PKIB: variants seen among roughly 807,000 people sequenced by gnomAD.
The protein encoded by PKIB is cAMP-dependent protein kinase inhibitor beta.
A neutral mutation model predicts 4.5 loss-of-function variants in PKIB; 2 were observed. The ratio of observed to expected loss-of-function variants is 0.44; its 90% CI spans 0.18 to 1.39. PKIB has a LOEUF of 1.39. PKIB is among the 40% of genes most tolerant of loss of function. The pLI, the probability that PKIB is intolerant of heterozygous loss-of-function variation, is 0.27. For missense variants in PKIB, 94 were observed against 92.6 expected (o/e 1.02, Z -0.06); for synonymous variants, 38 against 36.0 (o/e 1.06, Z -0.20).
chr6:122,642,993 A>T (rs1259240166), intron 2 of PKIB, among the ~76,000 whole-genome samples: 1 of 151,544 alleles, frequency 6.6e-6, no homozygotes, highest in African/African-American at 2.4e-5. Flanking sequence ...TAATTTTTTT[A>T]AAAAAGAGGC....
chr6:122,720,078 G>A (rs1271567299), intron 4 of PKIB, among the ~76,000 whole-genome samples: 2 of 152,104 alleles, frequency 1.3e-5, no homozygotes, highest in African/African-American at 4.8e-5. Flanking sequence ...AACTGAAAGC[G>A]GGAGTCTGTC....
intron 2 of PKIB, among the ~76,000 whole-genome samples, chr6:122,538,811 G>T (rs1268906822): frequency 1.3e-5 from 2 of 152,106 alleles, no homozygotes; most frequent in Non-Finnish European, 2.9e-5. Flanking sequence ...CTACCCATGA[G>T]CATGGAATCT....
At chr6:122,645,107 A>C (rs117112215) in intron 2 of PKIB, among the ~76,000 whole-genome samples, 2,407 of 152,316 alleles carry the variant, frequency 0.016, 33 homozygotes, top group Non-Finnish European at 0.022. Context: ...GGCAGTGAAA[A>C]TATTCTGCTG....
chr6:122,509,493 C>T (rs1394456929), intron 2 of PKIB, among the ~76,000 whole-genome samples: 5 of 151,262 alleles, frequency 3.3e-5, no homozygotes, highest in Admixed American at 6.6e-5. Context: ...TCCAGTGGTG[C>T]GATCTCGGCT....
chr6:122,656,509 G>T (rs1776780649), intron 2 of PKIB, among the ~76,000 whole-genome samples: 2 of 152,144 alleles, frequency 1.3e-5, no homozygotes. Context: ...AAGCTTTTTA[G>T]CCAAACTGAT....
intron 2 of PKIB, among the ~76,000 whole-genome samples, chr6:122,651,911 A>G (rs1298113196): frequency 2.0e-5 from 3 of 152,184 alleles, no homozygotes; most frequent in Non-Finnish European, 4.4e-5. Context: ...GGCATGAAAT[A>G]TATGGTCACC....
chr6:122,609,807 A>G (rs1419005554), upstream of PKIB, among the ~76,000 whole-genome samples: 1 of 152,192 alleles, frequency 6.6e-6, no homozygotes, highest in Non-Finnish European at 1.5e-5. Flanking sequence ...AACTTGATAT[A>G]CATTATTTTC....
At chr6:122,567,118 C>A (rs1773217748) in intron 2 of PKIB, among the ~76,000 whole-genome samples, 1 of 152,190 alleles carries the variant, frequency 6.6e-6, no homozygotes, top group African/African-American at 2.4e-5. Flanking sequence ...GCTCATATTT[C>A]TCAGACTATA....
intron 2 of PKIB, among the ~76,000 whole-genome samples, chr6:122,486,946 T>C (rs1775784412): frequency 9.7e-6 from 1 of 103,414 alleles, no homozygotes; most frequent in African/African-American, 3.4e-5. Context: ...TCTATCTATC[T>C]ATCTAACTAC....
At chr6:122,616,410 T>C (rs956862387) in intron 1 of PKIB, among the ~76,000 whole-genome samples, 4 of 152,086 alleles carry the variant, frequency 2.6e-5, no homozygotes, top group African/African-American at 7.2e-5. Flanking sequence ...AGTAAGGAGA[T>C]AGGATCAGCT....
At chr6:122,560,280 T>G (rs1180863566) in intron 2 of PKIB, among the ~76,000 whole-genome samples, 1 of 152,074 alleles carries the variant, frequency 6.6e-6, no homozygotes, top group Non-Finnish European at 1.5e-5. Flanking sequence ...AATGCTTTTT[T>G]TTTTGCATCT....
chr6:122,495,294 AG>A (rs776867859), intron 2 of PKIB, among the ~76,000 whole-genome samples: 1 of 151,944 alleles, frequency 6.6e-6, no homozygotes, highest in Non-Finnish European at 1.5e-5. Flanking sequence ...GCTGCAGCTG[AG>A]GGGGTCCTGC....
chr6:122,625,938 A>G (rs1390083136), intron 1 of PKIB, among the ~76,000 whole-genome samples: 7 of 152,078 alleles, frequency 4.6e-5, no homozygotes, highest in Non-Finnish European at 8.8e-5. Context: ...GTGTTGTGGC[A>G]TGGGCCTGAA....
intron 2 of PKIB, among the ~76,000 whole-genome samples, chr6:122,659,918 A>T (rs961500124): frequency 2.0e-5 from 3 of 152,194 alleles, no homozygotes; most frequent in Non-Finnish European, 4.4e-5. Flanking sequence ...AGACACAGAG[A>T]ATGACAGTGC....
upstream of PKIB, among the ~76,000 whole-genome samples, chr6:122,607,076 TAAA>T (rs567585689): frequency 7.0e-6 from 1 of 143,502 alleles, no homozygotes; most frequent in Non-Finnish European, 1.5e-5. Flanking sequence ...GTCCCCTTGG[TAAA>T]AAAAAAAATA....
intron 3 of PKIB, among the ~76,000 whole-genome samples, chr6:122,685,219 T>A (rs1326412689): frequency 6.6e-6 from 1 of 152,116 alleles, no homozygotes; most frequent in Non-Finnish European, 1.5e-5. Context: ...AGCTGCAGTT[T>A]TAAAAAGACT....
intron 3 of PKIB, among the ~76,000 whole-genome samples, chr6:122,695,130 CA>C: frequency 6.6e-6 from 1 of 151,970 alleles, no homozygotes. Context: ...AACATTAAGC[CA>C]AAAAACAGGA....
chr6:122,545,517 G>T (rs992887327), intron 2 of PKIB, among the ~76,000 whole-genome samples: 1 of 151,216 alleles, frequency 6.6e-6, no homozygotes, highest in African/African-American at 2.4e-5. Flanking sequence ...GCAGGGGCTT[G>T]GTGTACAGAT....
rs73549335 is a variant in PKIB, at chr6:122,557,327, G to A, written c.-247-28594G>A. On this transcript the variant is annotated intron_variant, in intron 2 of 6. Coordinates refer to the PKIB transcript ENST00000392491. ...CCTCATTGCTTCTTTCAACTCAACC[G>A]ATACCTGTGTTCTCATGGGGAGCTC... Among the ~76,000 whole-genome samples the A allele has an allele frequency of 2.4e-3, 367 of 152,258 alleles. 1 individual carries two copies. The highest frequency in any genetic ancestry group is 8.4e-3 in the African/African-American group (351 of 41,548).
Sources: gnomAD v4.1 joint callset for allele counts (sites outside exome capture counted in the v4.1 genomes callset) on GRCh38, gnomAD v4.1.1 for gene constraint, MANE v1.5 for transcripts, NCBI Gene and HGNC (gene_info 2026-07-23, HGNC 2026-07-21) for gene names.